The following RASSF3 variants were observed in gnomAD, a reference collection of about 807,000 sequenced individuals.
RASSF3 encodes the protein Ras association domain family member 3, also known as ras association domain-containing protein 3.
RASSF3 carries 19 observed loss-of-function variants against 19.9 expected under a neutral mutation model. That is an observed-to-expected ratio of 0.96 (90% CI 0.67 to 1.40). The LOEUF is 1.40. Among genes scored for constraint, RASSF3 ranks in the 40% most tolerant of loss-of-function variants. The pLI, the probability that RASSF3 is intolerant of heterozygous loss-of-function variation, is 0.00. For missense variants in RASSF3, 306 were observed against 289.8 expected (o/e 1.06, Z -0.41); for synonymous variants, 110 against 104.2 (o/e 1.06, Z -0.34).
chr12:64,619,750 G>C (rs1429326018), intron 1 of RASSF3, among the ~76,000 whole-genome samples: 1 of 152,142 alleles, frequency 6.6e-6, no homozygotes. Context: ...GGGAGGCCAA[G>C]GCGGGCGGAT....
chr12:64,688,012 C>T (rs1281736778), intron 2 of RASSF3, among the ~76,000 whole-genome samples: 1 of 152,240 alleles, frequency 6.6e-6, no homozygotes, highest in Non-Finnish European at 1.5e-5. Flanking sequence ...GCCCTGCAGA[C>T]CTTGCCTCTG....
At chr12:64,641,414 A>ACACACACACACACGCGCGCG in intron 1 of RASSF3, among the ~76,000 whole-genome samples, 39 of 142,192 alleles carry the variant, frequency 2.7e-4, no homozygotes, top group African/African-American at 1.1e-3. Flanking sequence ...ACACACACAC[A>ACACACACACACACGCGCGCG]CGCGCGCGCG....
chr12:64,627,016 C>T (rs781475509), intron 1 of RASSF3, among the ~76,000 whole-genome samples: 8 of 152,050 alleles, frequency 5.3e-5, no homozygotes, highest in Non-Finnish European at 1.0e-4. Context: ...TACTTAAGTT[C>T]CTTGAGTAAC....
At chr12:64,533,747 CT>C (rs1465863371) in intron 1 of RASSF3, 1 of 152,176 alleles carries the variant, frequency 6.6e-6, no homozygotes, top group East Asian at 1.9e-4. Context: ...CCTAAAAAGA[CT>C]CAAGAACTTT....
intron 1 of RASSF3, among the ~76,000 whole-genome samples, chr12:64,524,462 T>C (rs1312034018): frequency 6.6e-6 from 1 of 152,030 alleles, no homozygotes; most frequent in Non-Finnish European, 1.5e-5. Context: ...AGTTCAAGTG[T>C]GCTCACGTCA....
At chr12:64,627,520 C>T (rs904851873) in intron 1 of RASSF3, among the ~76,000 whole-genome samples, 5 of 152,134 alleles carry the variant, frequency 3.3e-5, no homozygotes, top group African/African-American at 1.2e-4. Context: ...TAGTTTTCAC[C>T]ATGATATTTT....
intron 2 of RASSF3, among the ~76,000 whole-genome samples, chr12:64,591,536 G>T (rs147348778): frequency 6.6e-6 from 1 of 151,940 alleles, no homozygotes; most frequent in East Asian, 1.9e-4. Context: ...GCATTTAGCA[G>T]TTGTCAAGAT....
At chr12:64,525,549 T>A (rs1157596904) in intron 1 of RASSF3, among the ~76,000 whole-genome samples, 1 of 152,290 alleles carries the variant, frequency 6.6e-6, no homozygotes, top group South Asian at 2.1e-4. Context: ...TTGTCTCATA[T>A]GAACAGTCAT....
At chr12:64,654,503 A>T (rs1362287904) in intron 1 of RASSF3, among the ~76,000 whole-genome samples, 1 of 151,670 alleles carries the variant, frequency 6.6e-6, no homozygotes, top group Non-Finnish European at 1.5e-5. Context: ...TCTGTATTCC[A>T]CTTAGAACTA....
intron 1 of RASSF3, among the ~76,000 whole-genome samples, chr12:64,662,083 TC>T (rs1179323869): frequency 1.3e-5 from 2 of 150,976 alleles, no homozygotes; most frequent in Non-Finnish European, 2.9e-5. Context: ...GAAAAAAAAA[TC>T]CCTGCCTTTG....
chr12:64,587,171 C>T (rs1186935343), intron 2 of RASSF3, among the ~76,000 whole-genome samples: 3 of 147,260 alleles, frequency 2.0e-5, no homozygotes, highest in Non-Finnish European at 4.5e-5. Context: ...TCTCCTGTCT[C>T]AGCCTCCCGA....
chr12:64,627,858 CT>C (rs937634959), intron 1 of RASSF3, among the ~76,000 whole-genome samples: 3 of 152,162 alleles, frequency 2.0e-5, no homozygotes, highest in African/African-American at 7.2e-5. Context: ...GCTTCAGTTT[CT>C]TCCTCAAAGG....
At chr12:64,615,358 G>A (rs1007868569) in intron 1 of RASSF3, among the ~76,000 whole-genome samples, 1 of 152,134 alleles carries the variant, frequency 6.6e-6, no homozygotes, top group Non-Finnish European at 1.5e-5. Flanking sequence ...TAGAAGTAGG[G>A]TAGTCAAGAA....
At chr12:64,677,613 A>C (rs866150808) in intron 1 of RASSF3, among the ~76,000 whole-genome samples, 6 of 152,270 alleles carry the variant, frequency 3.9e-5, no homozygotes, top group Middle Eastern at 3.4e-3. Flanking sequence ...TTTGGTACTG[A>C]AAGTGAAGAA....
chr12:64,693,620 T>G (rs976893007), intron 4 of RASSF3, among the ~76,000 whole-genome samples: 13 of 152,238 alleles, frequency 8.5e-5, no homozygotes, highest in African/African-American at 1.9e-4. Flanking sequence ...GGTGTCACTA[T>G]TTTGCCCAGG....
At chr12:64,539,753 C>A (rs900877653) in intron 1 of RASSF3, among the ~76,000 whole-genome samples, 2 of 151,956 alleles carry the variant, frequency 1.3e-5, no homozygotes, top group Admixed American at 6.6e-5. Context: ...CCACCCTGGG[C>A]AATAGAGTGA....
At chr12:64,542,821 A>T (rs1166481231), downstream of RASSF3, among the ~76,000 whole-genome samples, 6 of 152,028 alleles carry the variant, frequency 3.9e-5, no homozygotes, top group Non-Finnish European at 7.4e-5. Flanking sequence ...CTCGGTGCCC[A>T]CTCTGGCCCC....
chr12:64,592,956 G>A (rs1869947515), intron 2 of RASSF3, among the ~76,000 whole-genome samples: 1 of 151,976 alleles, frequency 6.6e-6, no homozygotes, highest in East Asian at 1.9e-4. Context: ...TGCTCTTCTC[G>A]ATGTTTGGGA....
chr12:64,643,331 C>T (rs1344704186), intron 1 of RASSF3, among the ~76,000 whole-genome samples: 1 of 152,168 alleles, frequency 6.6e-6, no homozygotes, highest in South Asian at 2.1e-4. Flanking sequence ...GTGTTAGATG[C>T]ACAGATACTC....
Sources: gnomAD v4.1 joint callset for allele counts (sites outside exome capture counted in the v4.1 genomes callset) on GRCh38, gnomAD v4.1.1 for gene constraint, MANE v1.5 for transcripts, NCBI Gene and HGNC (gene_info 2026-07-23, HGNC 2026-07-21) for gene names.